Variants in DBF4B observed in about 807,000 individuals in gnomAD.
DBF4B encodes the protein DBF4B-CDC7 kinase regulatory subunit, also known as protein DBF4 homolog B.
Under a neutral mutation model 53.4 loss-of-function variants are expected in DBF4B, and 49 were observed. The ratio of observed to expected loss-of-function variants is 0.92; its 90% CI spans 0.73 to 1.16. DBF4B has a LOEUF of 1.16. Ranked by LOEUF, DBF4B falls within the 50% of genes most tolerant of loss-of-function variation. The pLI is 0.00. For missense variants in DBF4B, 692 were observed against 775.0 expected, an observed-to-expected ratio of 0.89 and a Z score of 1.27; for synonymous variants, 257 against 288.7, an observed-to-expected ratio of 0.89 and a Z score of 1.11.
chr17:44,750,237 C>G (rs1169120095), intron 13 of DBF4B: 6 of 1,029,546 alleles, frequency 5.8e-6, no homozygotes. Flanking sequence ...GGTTTGCTAT[C>G]GATTCTCTGG....
At chr17:44,717,146 T>C (rs1973401946) in intron 2 of DBF4B, among the ~76,000 whole-genome samples, 1 of 152,162 alleles carries the variant, frequency 6.6e-6, no homozygotes, top group East Asian at 1.9e-4. Context: ...TCTGGTGTTG[T>C]TGACATTTCT....
In DBF4B at chr17:44,751,115, C is replaced by T; in HGVS notation, c.1710C>T (p.Thr570=). The change falls in exon 14 of 14, where the codon ACC becomes ACT. Residue 570 remains threonine, a synonymous_variant. Coordinates refer to ENST00000315005, the MANE Select transcript of DBF4B (RefSeq NM_145663.3). ...CAACTGCAGGACCCATTCCCCGAAC[C>T]TCACATCCGTGTACCCTTGCCTTCC... ...SLSTAGPIPR[T]SHPCTLAFPS... 1.2e-6 allele frequency: 2 copies of T among 1,614,170 alleles called. No homozygotes were observed. Among genetic ancestry groups the T allele is most frequent in the Middle Eastern group, 3.3e-4 (2 of 6,062 alleles).
chr17:44,739,155 A>G (rs1421557845), intron 9 of DBF4B, among the ~76,000 whole-genome samples: 2 of 152,218 alleles, frequency 1.3e-5, no homozygotes, highest in African/African-American at 2.4e-5. Flanking sequence ...TCCCATGACA[A>G]TGTTAACCTA....
At chr17:44,742,885 A>T (rs1976220770) in intron 10 of DBF4B, among the ~76,000 whole-genome samples, 1 of 152,128 alleles carries the variant, frequency 6.6e-6, no homozygotes, top group Non-Finnish European at 1.5e-5. Flanking sequence ...GACCCTTTCT[A>T]ACCTCTGGGC....
intron 2 of DBF4B, among the ~76,000 whole-genome samples, chr17:44,721,294 C>T (rs1039620325): frequency 1.4e-5 from 2 of 145,428 alleles, no homozygotes; most frequent in African/African-American, 5.2e-5. Context: ...TCTCAGCTCA[C>T]TGCAACATCT....
chr17:44,743,607 CT>C (rs71136042), intron 10 of DBF4B, among the ~76,000 whole-genome samples: 22,464 of 113,950 alleles, frequency 0.2, 1,234 homozygotes, highest in African/African-American at 0.3. Context: ...CTGTATGATT[CT>C]TTTTTTTTTT....
intron 10 of DBF4B, among the ~76,000 whole-genome samples, chr17:44,743,958 T>C (rs979440839): frequency 1.3e-5 from 2 of 151,420 alleles, no homozygotes; most frequent in African/African-American, 4.9e-5. Flanking sequence ...CATGTACCTA[T>C]ATATCCATGA....
chr17:44,732,506 C>T (rs1343729579), intron 6 of DBF4B: 2 of 499,172 alleles, frequency 4.0e-6, no homozygotes. Flanking sequence ...CGTTTCATGT[C>T]ACCTGCTACA....
intron 8 of DBF4B, among the ~76,000 whole-genome samples, chr17:44,738,133 G>C (rs1351650514): frequency 6.6e-6 from 1 of 152,238 alleles, no homozygotes; most frequent in East Asian, 1.9e-4. Context: ...TCCTGCAGAG[G>C]AAGGGCCCAT....
At chr17:44,737,449 T>G (rs923307736) in intron 8 of DBF4B, among the ~76,000 whole-genome samples, 2 of 152,206 alleles carry the variant, frequency 1.3e-5, no homozygotes, top group African/African-American at 4.8e-5. Context: ...TTTTAATAAC[T>G]GTCTCAGTTA....
At chr17:44,725,777 C>T (rs564542283) in intron 3 of DBF4B, among the ~76,000 whole-genome samples, 213 of 149,204 alleles carry the variant, frequency 1.4e-3, no homozygotes, top group Non-Finnish European at 2.6e-3. Flanking sequence ...GCTTCAACCT[C>T]CCCAGACTCA....
chr17:44,709,483 T>C (rs1384861934), intron 2 of DBF4B, 117 bp downstream of exon 2: 2 of 1,124,206 alleles, frequency 1.8e-6, no homozygotes, highest in Non-Finnish European at 1.3e-6. Context: ...TTTTATGTAC[T>C]TATTTATTCA....
chr17:44,728,573 CT>C (rs199914705), intron 3 of DBF4B, among the ~76,000 whole-genome samples: 3,439 of 152,254 alleles, frequency 0.023, 88 homozygotes, highest in African/African-American at 0.05. Context: ...AATCCCAGCA[CT>C]TTGGGAGTCC....
Position 44,723,000 on chromosome 17 carries a change from G to A in DBF4B, c.203G>A (p.Gly68Glu), listed in dbSNP as rs764162121. 8.1e-6 allele frequency: 13 copies of A among 1,614,032 alleles called. No individual in the cohort carries two copies. In the South Asian group the frequency reaches 1.3e-4, roughly 16 times the overall value. ...PAGKNLQFLTGAIQQLGGVIE... is the reference protein window; with the variant it reads ...PAGKNLQFLTEAIQQLGGVIE... ...GGCAAGAATCTCCAGTTTTTGACGG[G>A]GGCCATTCAGCAACTGGGTGGGGTA... Residue 68 changes from glycine to glutamate, a missense_variant, in exon 3 of 14, where the codon GGG becomes GAG. Physicochemically the swap from Gly to Glu is moderately conservative, Grantham distance 98 (BLOSUM62 -2). This residue lies in a region of DBF4B where 29 missense variants were observed against 57.8 expected (regional missense o/e 0.50). Transcript: ENST00000315005.
At chr17:44,745,239 A>G (rs1976483559) in intron 10 of DBF4B, among the ~76,000 whole-genome samples, 6 of 152,144 alleles carry the variant, frequency 3.9e-5, no homozygotes, top group Admixed American at 3.9e-4. Context: ...GCAGTTGTAA[A>G]TAAATCAATA....
chr17:44,738,298 T>G, intron 8 of DBF4B, 81 bp from the exon 9 acceptor site: 5 of 1,461,278 alleles, frequency 3.4e-6, no homozygotes, highest in Non-Finnish European at 4.7e-6. Flanking sequence ...GAGCCTTCCC[T>G]CTCAGCATTT....
chr17:44,748,838 C>T (rs2049184823), intron 13 of DBF4B: 1 of 1,292,644 alleles, frequency 7.7e-7, no homozygotes, highest in African/African-American at 1.5e-5. Context: ...CCCTCTCTTC[C>T]CCTTACAGGC....
At chr17:44,708,969 G>A (rs962375658) in intron 1 of DBF4B, 130 bp downstream of exon 1, 4 of 1,325,516 alleles carry the variant, frequency 3.0e-6, no homozygotes, top group Non-Finnish European at 4.1e-6. Context: ...GGGTATAGGG[G>A]CCGGGAAGGA....
chr17:44,716,506 C>T (rs1568161540), intron 2 of DBF4B, among the ~76,000 whole-genome samples: 1 of 152,100 alleles, frequency 6.6e-6, no homozygotes. Context: ...GGGATTTTTT[C>T]AGCCCCAAGA....
Sources: gnomAD v4.1 joint callset for allele counts (sites outside exome capture counted in the v4.1 genomes callset) on GRCh38, gnomAD v4.1.1 for gene constraint, gnomAD v4.1.1 regional missense constraint, MANE v1.5 for transcripts, NCBI Gene and HGNC (gene_info 2026-07-23, HGNC 2026-07-21) for gene names.